DCD: variants seen among roughly 807,000 people sequenced by gnomAD.
DCD encodes the protein diffusible survival/evasion peptide.
Under a neutral mutation model 14.5 loss-of-function variants are expected in DCD, and 17 were observed. The ratio of observed to expected loss-of-function variants is 1.18; its 90% CI spans 0.81 to 1.76. The LOEUF (loss-of-function observed/expected upper bound fraction) is 1.76. Ranked by LOEUF, DCD falls within the 40% of genes most tolerant of loss-of-function variation. The probability of loss-of-function intolerance (pLI) is 0.00; values close to 1 mark genes in which losing one functional copy is unlikely to be tolerated. For synonymous variants in DCD, 64 were observed against 54.0 expected, an observed-to-expected ratio of 1.19 and a Z score of -0.82; for missense variants, 139 against 133.4, an observed-to-expected ratio of 1.04 and a Z score of -0.21.
chr12:54,647,004 G>A, intron 2 of DCD, 117 bp downstream of exon 2: 4 of 1,027,968 alleles, frequency 3.9e-6, no homozygotes. Flanking sequence ...CTAAAAGTCG[G>A]CCTCCCAACT....
At chr12:54,645,370 GT>G in intron 3 of DCD, 108 bp from the exon 4 acceptor site, 1 of 1,183,560 alleles carries the variant, frequency 8.4e-7, no homozygotes, top group Non-Finnish European at 1.2e-6. Flanking sequence ...AGGTGAAGTG[GT>G]TTTGCTGAAG....
intron 1 of DCD, 49 bp from the exon 2 acceptor site, chr12:54,647,208 A>C (rs1488918906): frequency 1.0e-5 from 16 of 1,535,508 alleles, no homozygotes; most frequent in Non-Finnish European, 1.4e-5. Flanking sequence ...CAGTTGCATG[A>C]GCTGTATCCA....
intron 4 of DCD, 46 bp downstream of exon 4, chr12:54,645,127 G>A: frequency 6.3e-7 from 1 of 1,592,756 alleles, no homozygotes; most frequent in Non-Finnish European, 8.6e-7. Context: ...TGCAAGGGGT[G>A]GAGACTGAGG....
chr12:54,645,541 G>T, intron 3 of DCD, 65 bp downstream of exon 3: 1 of 1,425,532 alleles, frequency 7.0e-7, no homozygotes, highest in Non-Finnish European at 9.8e-7. Flanking sequence ...GGGCAGACTG[G>T]CCCCCAGATA....
chr12:54,646,400 T>C (rs1426792377), intron 2 of DCD, among the ~76,000 whole-genome samples: 1 of 152,094 alleles, frequency 6.6e-6, no homozygotes, highest in Non-Finnish European at 1.5e-5. Context: ...GATCTCTCTC[T>C]CAGGGGCTTA....
chr12:54,648,233 G>A lies in DCD; in HGVS notation c.58+13C>T. 1 of 1,613,510 alleles carries A rather than the reference G, an allele frequency of 6.2e-7. No individual in the cohort carries two copies. The highest frequency in any genetic ancestry group is 8.5e-7 in the Non-Finnish European group (1 of 1,179,892). On this transcript the variant is annotated intron_variant, in intron 1 of 4. Transcript: ENST00000293371. The stretch of plus-strand genomic sequence containing the variant: ...GACTATATGGTTGGGTGTCGGGGAA[G>A]AGCCATACTCACAGGCACAGACCAG...
At chr12:54,645,741 TA>T in intron 2 of DCD, 34 bp from the exon 3 acceptor site, 1 of 1,573,650 alleles carries the variant, frequency 6.4e-7, no homozygotes, top group Non-Finnish European at 8.7e-7. Flanking sequence ...GAATAATAGC[TA>T]TTTCACTCTT....
Position 54,645,586 on chromosome 12 carries a change from G to C in DCD, c.199+20C>G. 6.3e-7 allele frequency: 1 copy of C among 1,599,568 alleles called. No homozygotes were observed. The highest frequency in any genetic ancestry group is 8.6e-7 in the Non-Finnish European group (1 of 1,166,976). Reference sequence around the variant, plus strand: ...TTCATGCATCAGAATTCTATACCAGGCATTGGGAAAGAGGCTTACCCAGAA... The same window carrying C: ...TTCATGCATCAGAATTCTATACCAGCCATTGGGAAAGAGGCTTACCCAGAA... On this transcript the variant is annotated intron_variant, in intron 3 of 4. Transcript: ENST00000293371.
intron 2 of DCD, 174 bp from the exon 3 acceptor site, chr12:54,645,881 C>A: frequency 1.7e-6 from 1 of 600,042 alleles, no homozygotes; most frequent in Non-Finnish European, 3.0e-6. Flanking sequence ...ATCCCTCAAG[C>A]TTTTTCCTGC....
In DCD at chr12:54,644,661, A is replaced by G; in HGVS notation, c.*52T>C. 1 of 1,072,830 alleles carries G rather than the reference A, an allele frequency of 9.3e-7. No individual in the cohort carries two copies. The highest frequency in any genetic ancestry group is 1.7e-5 in the African/African-American group (1 of 59,616). The allele number at this position is 1,072,830 out of a possible 1,614,324, so 66.5% of individuals were successfully genotyped here. ...TTTTTTTTTTTTAGGTTTTAGGCTG[A>G]AGACGTAAAGCCTGCTGCTCCTGGG... is the stretch of plus-strand genomic sequence containing the variant. On this transcript the variant is annotated 3_prime_UTR_variant, in exon 5 of 5. Transcript: ENST00000293371.
intron 1 of DCD, 96 bp from the exon 2 acceptor site, chr12:54,647,255 A>G: frequency 8.2e-7 from 1 of 1,212,658 alleles, no homozygotes; most frequent in Non-Finnish European, 1.2e-6. Context: ...CTCTAATCTC[A>G]GGAGTGTGGC....
Position 54,645,225 on chromosome 12 carries a change from T to TC in DCD, c.236dup (p.Leu80ThrfsTer17). The TC allele has an allele frequency of 1.9e-6, 3 of 1,613,644 alleles. No homozygotes were observed. Among genetic ancestry groups the TC allele is most frequent in the Non-Finnish European group, 2.5e-6 (3 of 1,179,926 alleles). On this transcript the variant is annotated frameshift_variant, in exon 4 of 5. Transcript: ENST00000293371. LOFTEE classifies it high-confidence loss of function. ...CTGCATCTTTTCCTAGTTTTCCGAG[T>TC]CCCCCCACAGCTTTTTTTGCTCCGT...
intron 2 of DCD, 30 bp from the exon 3 acceptor site, chr12:54,645,737 T>A (rs2222876): frequency 6.3e-7 from 1 of 1,582,652 alleles, no homozygotes; most frequent in Non-Finnish European, 8.7e-7. Flanking sequence ...AGAGGAATAA[T>A]AGCTATTTCA....
chr12:54,644,975 T>TAA, intron 4 of DCD, 198 bp downstream of exon 4: 5 of 1,311,630 alleles, frequency 3.8e-6, no homozygotes, highest in Admixed American at 5.0e-5. Context: ...GCAAGAGCAA[T>TAA]AAAAAAAAAA....
chr12:54,648,164 C>A (rs148716199), intron 1 of DCD, 82 bp downstream of exon 1: 1 of 1,497,930 alleles, frequency 6.7e-7, no homozygotes, highest in East Asian at 2.3e-5. Context: ...CTGCCTCTGG[C>A]GAGGAGGGGA....
chr12:54,646,054 A>C, intron 2 of DCD: 2 of 461,116 alleles, frequency 4.3e-6, no homozygotes, highest in Non-Finnish European at 8.7e-6. Flanking sequence ...TGCAGAGGGC[A>C]CTAGCTTCTC....
In DCD at chr12:54,648,226, CG is replaced by C. The variant is rs1958277451; in HGVS notation, c.58+19del. 5 of 1,612,824 alleles carry C rather than the reference CG, an allele frequency of 3.1e-6. No individual in the cohort carries two copies. The highest frequency in any genetic ancestry group is 2.2e-5 in the East Asian group (1 of 44,860). On this transcript the variant is annotated intron_variant, in intron 1 of 4. Transcript: ENST00000293371. ...TTCAGGGGACTATATGGTTGGGTGT[CG>C]GGGAAGAGCCATACTCACAGGCACA... is the stretch of plus-strand genomic sequence containing the variant.
Position 54,645,225 on chromosome 12 carries a change from TC to T in DCD, c.236del (p.Gly79AspfsTer5), listed in dbSNP as rs758489970. ...GLDGAKKAVG[G>X]LGKLGKDAVE... is the part of the protein sequence containing the mutation. Reference sequence around the variant, plus strand: ...CTGCATCTTTTCCTAGTTTTCCGAGTCCCCCCACAGCTTTTTTTGCTCCGTC... The same window carrying T: ...CTGCATCTTTTCCTAGTTTTCCGAGTCCCCCACAGCTTTTTTTGCTCCGTC... On this transcript the variant is annotated frameshift_variant, in exon 4 of 5. Transcript: ENST00000293371. LOFTEE classifies it high-confidence loss of function. The T allele has an allele frequency of 1.2e-6, 2 of 1,613,644 alleles. No individual in the cohort carries two copies. Among genetic ancestry groups the T allele is most frequent in the Non-Finnish European group, 1.7e-6 (2 of 1,179,926 alleles).
chr12:54,647,123 T>C lies in DCD; in HGVS notation c.95A>G (p.Asn32Ser). The C allele has an allele frequency of 1.9e-6, 3 of 1,558,898 alleles. No individual in the cohort carries two copies. Among genetic ancestry groups the C allele is most frequent in the Non-Finnish European group, 2.6e-6 (3 of 1,150,520 alleles). ...PEAASAPGSG[N>S]PCHEASAAQK... Reference sequence around the variant, plus strand: ...CAGGAGGAAGAGAAAGGACTCACGGTTCCCCGATCCTGGGGCAGAGGCGGC... The same window carrying C: ...CAGGAGGAAGAGAAAGGACTCACGGCTCCCCGATCCTGGGGCAGAGGCGGC... The change falls in exon 2 of 5, where the codon AAC becomes AGC. Residue 32 changes from asparagine to serine, a missense_variant and splice_region_variant. Physicochemically the swap from Asn to Ser is conservative, Grantham distance 46 (BLOSUM62 1). Transcript: ENST00000293371.
Sources: gnomAD v4.1 joint callset for allele counts (sites outside exome capture counted in the v4.1 genomes callset) on GRCh38, gnomAD v4.1.1 for gene constraint, MANE v1.5 for transcripts, NCBI Gene and HGNC (gene_info 2026-07-23, HGNC 2026-07-21) for gene names.